TENM2: variants seen among roughly 807,000 people sequenced by gnomAD.
TENM2 encodes teneurin-2.
In TENM2, 52 loss-of-function variants were observed where a neutral mutation model predicts 245.2. The ratio of observed to expected loss-of-function variants is 0.21; its 90% CI spans 0.17 to 0.27. TENM2 has a LOEUF of 0.27. Ranked by LOEUF, TENM2 falls within the 10% of genes least tolerant of loss-of-function variation. The probability of loss-of-function intolerance (pLI) is 1.00; values close to 1 mark genes in which losing one functional copy is unlikely to be tolerated. For missense variants in TENM2, 3,046 were observed against 3,666.8 expected, an observed-to-expected ratio of 0.83 and a Z score of 4.37; for synonymous variants, 1,363 against 1,438.9, an observed-to-expected ratio of 0.95 and a Z score of 1.19.
the TENM2 span, among the ~76,000 whole-genome samples, chr5:167,201,688 C>T: frequency 6.6e-6 from 1 of 152,236 alleles, no homozygotes; most frequent in African/African-American, 2.4e-5. Context: ...TGATTGGCTC[C>T]AGAGGCTCTT....
At chr5:167,804,032 A>C (rs544267493) in intron 2 of TENM2, among the ~76,000 whole-genome samples, 3 of 152,044 alleles carry the variant, frequency 2.0e-5, no homozygotes, top group Admixed American at 6.6e-5. Flanking sequence ...ATGCTCCTTG[A>C]AGCATTTTGG....
At chr5:168,041,613 G>A (rs369189268) in intron 5 of TENM2, among the ~76,000 whole-genome samples, 1 of 152,138 alleles carries the variant, frequency 6.6e-6, no homozygotes, top group Non-Finnish European at 1.5e-5. Context: ...CCCCACCTGC[G>A]AGTGCCTCTG....
the TENM2 span, among the ~76,000 whole-genome samples, chr5:167,188,868 A>G: frequency 4.6e-5 from 7 of 152,190 alleles, no homozygotes; most frequent in African/African-American, 1.7e-4. Flanking sequence ...ATATCAAACT[A>G]TGCAGGGAGA....
intron 2 of TENM2, among the ~76,000 whole-genome samples, chr5:167,646,851 C>T (rs1317546170): frequency 6.6e-6 from 1 of 152,210 alleles, no homozygotes; most frequent in African/African-American, 2.4e-5. Flanking sequence ...TATAATTCAA[C>T]TCAAGCCAAT....
At chr5:167,872,344 AAG>A (rs1393070888) in intron 2 of TENM2, among the ~76,000 whole-genome samples, 23 of 112,532 alleles carry the variant, frequency 2.0e-4, no homozygotes, top group Non-Finnish European at 3.9e-4. Flanking sequence ...GAAAGAAAGA[AAG>A]AAAGAAAGGA....
chr5:167,513,354 A>C (rs1218675748), intron 2 of TENM2, among the ~76,000 whole-genome samples: 1 of 152,180 alleles, frequency 6.6e-6, no homozygotes, highest in Non-Finnish European at 1.5e-5. Context: ...TTTTAATAAT[A>C]GAGTAAAATT....
chr5:167,362,592 A>T lies in TENM2; in HGVS notation c.227-12606A>T, dbSNP rs115311495. 5.8e-3 allele frequency among the ~76,000 whole-genome samples: 883 copies of T among 152,344 alleles called. 10 individuals carry two copies. Among genetic ancestry groups the T allele is most frequent in the African/African-American group, 0.02 (837 of 41,572 alleles). ...TCAAAACATCAAGCACATGATGGAAATAGGCACCTTGGTGAGTGCTGTAAA... is the reference window on the plus strand; with the variant it reads ...TCAAAACATCAAGCACATGATGGAATTAGGCACCTTGGTGAGTGCTGTAAA... On this transcript the variant is annotated intron_variant, in intron 1 of 28. Coordinates refer to ENST00000518659, the Ensembl canonical transcript of TENM2.
intron 4 of TENM2, among the ~76,000 whole-genome samples, chr5:167,984,775 A>G (rs115531150): frequency 0.01 from 1,585 of 152,350 alleles, 29 homozygotes; most frequent in African/African-American, 0.037. Flanking sequence ...AGTAGGGCTC[A>G]GTGGTGCAGT....
chr5:167,858,694 G>A (rs1330423113), intron 2 of TENM2, among the ~76,000 whole-genome samples: 1 of 151,234 alleles, frequency 6.6e-6, no homozygotes, highest in African/African-American at 2.4e-5. Flanking sequence ...GGCACCAGCT[G>A]CAGATATGAA....
In TENM2 at chr5:167,971,051, C is replaced by G. The variant is rs113891890; in HGVS notation, c.947+18229C>G. ...TGTTACAATGGGGACATCCTCATGT[C>G]CTGTCGATAATGTGCATCTTCAAAT... On this transcript the variant is annotated intron_variant, in intron 4 of 28. Coordinates refer to ENST00000518659, the Ensembl canonical transcript of TENM2. 3.1e-3 allele frequency among the ~76,000 whole-genome samples: 479 copies of G among 152,240 alleles called. 4 individuals carry two copies. The highest frequency in any genetic ancestry group is 0.011 in the African/African-American group (442 of 41,526).
At chr5:168,026,360 G>T (rs1786629974) in intron 5 of TENM2, among the ~76,000 whole-genome samples, 1 of 152,214 alleles carries the variant, frequency 6.6e-6, no homozygotes, top group Non-Finnish European at 1.5e-5. Context: ...ACACACTCTG[G>T]AGGGTGAAGT....
At chr5:167,457,393 C>G (rs977646348) in intron 2 of TENM2, among the ~76,000 whole-genome samples, 2 of 151,320 alleles carry the variant, frequency 1.3e-5, no homozygotes, top group Middle Eastern at 3.5e-3. Flanking sequence ...AGTGCAATGG[C>G]GCAATCTCAG....
chr5:167,485,796 T>C (rs554296017), intron 2 of TENM2, among the ~76,000 whole-genome samples: 115 of 152,240 alleles, frequency 7.6e-4, no homozygotes, highest in Non-Finnish European at 1.5e-3. Flanking sequence ...TCGGTACCTG[T>C]TTGGCTGAAT....
chr5:167,742,881 C>A (rs964288390), intron 2 of TENM2, among the ~76,000 whole-genome samples: 1 of 151,816 alleles, frequency 6.6e-6, no homozygotes. Context: ...GGCAGAAGCA[C>A]AACTTGAGCC....
exon 13 of TENM2, chr5:168,162,654 G>C: frequency 6.2e-7 from 1 of 1,614,026 alleles, no homozygotes; most frequent in Admixed American, 1.7e-5. Flanking sequence ...GATGCACACT[G>C]GGTCAGAACA....
chr5:168,162,858 G>A (rs1757873975), intron 13 of TENM2, 101 bp downstream of exon 15: 1 of 1,347,734 alleles, frequency 7.4e-7, no homozygotes, highest in Non-Finnish European at 1.0e-6. Context: ...CTGCACTATT[G>A]TCAAATGTTG....
At chr5:167,533,557 A>T (rs755386690) in intron 2 of TENM2, among the ~76,000 whole-genome samples, 4 of 152,116 alleles carry the variant, frequency 2.6e-5, no homozygotes, top group Non-Finnish European at 5.9e-5. Context: ...AGCTCAAATA[A>T]GTGATCTTCA....
chr5:166,979,144 T>C, the TENM2 span, among the ~76,000 whole-genome samples: 1 of 151,346 alleles, frequency 6.6e-6, no homozygotes. Context: ...AGGTCGTGCT[T>C]GGGCGTCCTC....
chr5:167,926,501 C>T (rs1195648069), intron 3 of TENM2, among the ~76,000 whole-genome samples: 2 of 152,132 alleles, frequency 1.3e-5, no homozygotes, highest in African/African-American at 2.4e-5. Context: ...GGACAGATCA[C>T]CTGAGGCCAG....
Sources: allele counts gnomAD v4.1 joint callset (sites outside exome capture counted in the v4.1 genomes callset), GRCh38; gene constraint gnomAD v4.1.1; transcripts MANE v1.5; gene names NCBI Gene and HGNC (gene_info 2026-07-23, HGNC 2026-07-21).